BEGAIN: variants seen among roughly 807,000 people sequenced by gnomAD.
The protein encoded by BEGAIN is brain-enriched guanylate kinase-associated protein.
In BEGAIN, 19 loss-of-function variants were observed where a neutral mutation model predicts 35.8. The observed-to-expected ratio is 0.53, with a 90% CI of 0.37 to 0.78. BEGAIN has a LOEUF of 0.78. BEGAIN is among the 30% of genes least tolerant of loss of function. BEGAIN has a pLI of 0.00. For synonymous variants in BEGAIN, 462 were observed against 388.6 expected, an observed-to-expected ratio of 1.19 and a Z score of -2.22; for missense variants, 795 against 853.6, an observed-to-expected ratio of 0.93 and a Z score of 0.85.
intron 1 of BEGAIN, among the ~76,000 whole-genome samples, chr14:100,574,848 G>A (rs2035168955): frequency 1.3e-5 from 2 of 152,188 alleles, no homozygotes; most frequent in South Asian, 4.1e-4. Flanking sequence ...TTGGGGACTT[G>A]CATTGGGGGT....
chr14:100,575,334 C>CA (rs1337332355), intron 1 of BEGAIN, among the ~76,000 whole-genome samples: 2 of 152,206 alleles, frequency 1.3e-5, no homozygotes, highest in African/African-American at 4.8e-5. Flanking sequence ...AGACAAGCCC[C>CA]TGTGAAGGGC....
Position 100,538,222 on chromosome 14 carries a change from A to G in BEGAIN, c.1586T>C (p.Leu529Pro), listed in dbSNP as rs1165786015. Residue 529 changes from leucine (L) to proline (P), a missense_variant, in exon 7 of 7, where the codon CTG becomes CCG. Around this residue, in one of 3 missense-constraint regions of BEGAIN, gnomAD observed 664 missense variants for 647.7 expected, o/e 1.03. Coordinates refer to ENST00000554140, the MANE Select transcript of BEGAIN (RefSeq NM_001385089.1). ...CCCCTCGCTGGGTGCATAGCCGGGC[A>G]GTGGGTCAGCCGAGCGGCCGGGACT... The part of the protein sequence containing the change: ...SLSPGRSADP[L>P]PGYAPSEGGD... 27 of 1,567,648 alleles carry G rather than the reference A, an allele frequency of 1.7e-5. No individual in the cohort carries two copies. Among genetic ancestry groups the G allele is most frequent in the Non-Finnish European group, 2.3e-5 (27 of 1,163,130 alleles).
rs1030774992 is a variant in BEGAIN, at chr14:100,538,035, A to C, written c.1773T>G (p.Gly591=). Residue 591 remains glycine, a synonymous_variant, in exon 7 of 7, where the codon GGT becomes GGG. Transcript: ENST00000554140. ...TGTCCTTGCGGCTCAGCCCCGAGCCACCAGTCCGCGGAAAGGCCTGCTGGG... is the reference window on the plus strand; with the variant it reads ...TGTCCTTGCGGCTCAGCCCCGAGCCCCCAGTCCGCGGAAAGGCCTGCTGGG... The part of the protein sequence containing the change: ...LSPQQAFPRT[G]GSGLSRKDSL... 1.2e-6 allele frequency: 2 copies of C among 1,608,378 alleles called. No homozygotes were observed. Among genetic ancestry groups the C allele is most frequent in the Non-Finnish European group, 1.7e-6 (2 of 1,178,412 alleles).
In BEGAIN at chr14:100,546,674, T is replaced by A. The variant is rs564340080; in HGVS notation, c.72-12A>T. 1 of 1,530,196 alleles carries A rather than the reference T, an allele frequency of 6.5e-7. No individual in the cohort carries two copies. Among genetic ancestry groups the A allele is most frequent in the Admixed American group, 1.9e-5 (1 of 52,248 alleles). The allele number at this position is 1,530,196 out of a possible 1,614,324, so 94.8% of individuals were successfully genotyped here. A position where few individuals can be genotyped will look rare whatever the true frequency, so the allele number is the denominator to read the frequency against. On this transcript the variant is annotated splice_polypyrimidine_tract_variant and intron_variant, in intron 2 of 6. Coordinates refer to ENST00000554140, the MANE Select transcript of BEGAIN (RefSeq NM_001385089.1). The stretch of plus-strand genomic sequence containing the variant: ...GCTCCTGCAGCGCGCTGCAACGACA[T>A]GGCGGCGGCGGGCCGGGCCGCGGCG...
At chr14:100,542,649 C>A (rs1042471635) in intron 5 of BEGAIN, among the ~76,000 whole-genome samples, 1 of 152,250 alleles carries the variant, frequency 6.6e-6, no homozygotes, top group African/African-American at 2.4e-5. Context: ...TTCTAACAAC[C>A]CACATCCTAA....
chr14:100,555,397 C>T (rs1302874374), intron 2 of BEGAIN, among the ~76,000 whole-genome samples: 4 of 152,268 alleles, frequency 2.6e-5, no homozygotes, highest in Admixed American at 6.5e-5. Context: ...TCCCCTCCAA[C>T]TTGCTCCTGC....
At chr14:100,555,676 A>G (rs2139593659) in intron 2 of BEGAIN, among the ~76,000 whole-genome samples, 1 of 152,312 alleles carries the variant, frequency 6.6e-6, no homozygotes, top group Non-Finnish European at 1.5e-5. Context: ...TTTAATGTAA[A>G]TAGTAGCGCT....
intron 1 of BEGAIN, among the ~76,000 whole-genome samples, chr14:100,575,756 G>C (rs989845123): frequency 6.6e-6 from 1 of 152,172 alleles, no homozygotes; most frequent in African/African-American, 2.4e-5. Context: ...AAGGAGTCAA[G>C]CTGGGTTCCC....
At position 100,568,581 on chromosome 14, in the gene BEGAIN, G is replaced by A. The variant is rs2034921528; in HGVS notation, c.43-642C>T. The stretch of plus-strand genomic sequence containing the variant: ...CCCGTGAGCGCCCGGCTCGCCGGCG[G>A]GGCTCCCTGCCTTGCTTGCGCAGAC... On this transcript the variant is annotated intron_variant, in intron 1 of 6. Transcript: ENST00000554140. The surrounding 1 kb of genome is among the most constrained non-coding windows in gnomAD (Gnocchi z 7.5). The A allele has an allele frequency of 8.2e-7, 1 of 1,215,538 alleles. No homozygotes were observed. Among genetic ancestry groups the A allele is most frequent in the African/African-American group, 1.6e-5 (1 of 63,746 alleles). 75.3% of individuals were successfully genotyped at this position (1,215,538 alleles called of 1,614,324 possible).
intron 1 of BEGAIN, among the ~76,000 whole-genome samples, chr14:100,572,602 C>T (rs994030510): frequency 6.6e-6 from 1 of 152,176 alleles, no homozygotes; most frequent in African/African-American, 2.4e-5. Flanking sequence ...AGGAAATGAG[C>T]CTAACATGTG....
At position 100,585,455 on chromosome 14, in the gene BEGAIN, TC is replaced by T. The variant is rs1267914102; in HGVS notation, c.42+1793del. Among the ~76,000 whole-genome samples, 5 of 140,050 alleles carry T rather than the reference TC, an allele frequency of 3.6e-5. No homozygotes were observed. The East Asian group carries it at 1.1e-3, about 31-fold the overall frequency. 91.9% of individuals were successfully genotyped at this position (140,050 alleles called of 152,430 possible). On this transcript the variant is annotated intron_variant, in intron 1 of 6. Transcript: ENST00000554140. ...ATCCATCCATCCATCCATCCATCCATCCATTCATCCATCCATCCACTCTTCA... is the reference window on the plus strand; with the variant it reads ...ATCCATCCATCCATCCATCCATCCATCATTCATCCATCCATCCACTCTTCA...
rs537510305 is a variant in BEGAIN, at chr14:100,569,720, C to T, written c.43-1781G>A. On this transcript the variant is annotated intron_variant, in intron 1 of 6. Coordinates refer to ENST00000554140, the MANE Select transcript of BEGAIN (RefSeq NM_001385089.1). ...AAACCCAAGAAATCCAAGTGTTCCT[C>T]CATCCACGGACACCCACTCGTTCAC... The T allele has an allele frequency of 1.4e-4, 21 of 154,764 alleles. No homozygotes were observed. The South Asian group carries it at 3.0e-3, about 22-fold the overall frequency. The allele number at this position is 154,764 out of a possible 1,614,324, so 9.6% of individuals were successfully genotyped here. A position where few individuals can be genotyped will look rare whatever the true frequency, so the allele number is the denominator to read the frequency against.
rs1033860869 is a variant in BEGAIN at position 100,586,658 on chromosome 14, A to C, written c.42+591T>G. 6.6e-6 allele frequency among the ~76,000 whole-genome samples: 1 copy of C among 152,254 alleles called. No individual in the cohort carries two copies. The highest frequency in any genetic ancestry group is 6.5e-5 in the Admixed American group (1 of 15,310). Reference sequence around the variant, plus strand: ...CGAGGCCCTGGCCTCCCTGAGCCTCAGTTTCCTCGCCTGTAAAGGGGCAGG... The same window carrying C: ...CGAGGCCCTGGCCTCCCTGAGCCTCCGTTTCCTCGCCTGTAAAGGGGCAGG... On this transcript the variant is annotated intron_variant, in intron 1 of 6. Coordinates refer to ENST00000554140, the MANE Select transcript of BEGAIN (RefSeq NM_001385089.1). The surrounding 1 kb of genome is among the most constrained non-coding windows in gnomAD (Gnocchi z 4.9).
At position 100,538,408 on chromosome 14, in the gene BEGAIN, TAGCGTTCAGAGA is replaced by T. The variant is rs1238693247; in HGVS notation, c.1388_1399del (p.Phe463_Arg466del). 2 of 1,571,742 alleles carry T rather than the reference TAGCGTTCAGAGA, an allele frequency of 1.3e-6. No individual in the cohort carries two copies. Among genetic ancestry groups the T allele is most frequent in the Non-Finnish European group, 1.7e-6 (2 of 1,163,108 alleles). On this transcript the variant is annotated inframe_deletion, in exon 7 of 7. Coordinates refer to ENST00000554140, the MANE Select transcript of BEGAIN (RefSeq NM_001385089.1). ...CGGGCTGCCCCCGGCCCCGCCGTAG[TAGCGTTCAGAGA>T]AGCTGCAGGGTGAGGCGCGGCCGGC...
At position 100,568,957 on chromosome 14, in the gene BEGAIN, C is replaced by T; in HGVS notation, c.43-1018G>A. 4.1e-6 allele frequency: 4 copies of T among 983,366 alleles called. No homozygotes were observed. Among genetic ancestry groups the T allele is most frequent in the Non-Finnish European group, 4.8e-6 (4 of 829,268 alleles). 60.9% of individuals were successfully genotyped at this position (983,366 alleles called of 1,614,324 possible). A position where few individuals can be genotyped will look rare whatever the true frequency, so the allele number is the denominator to read the frequency against. On this transcript the variant is annotated intron_variant, in intron 1 of 6. Coordinates refer to ENST00000554140, the MANE Select transcript of BEGAIN (RefSeq NM_001385089.1). This position sits in a 1 kb window ranked among gnomAD's most constrained non-coding sequence, Gnocchi z 7.5. Reference sequence around the variant, plus strand: ...TCGCGCCGGGCGCCGCCGCCGCGTCCGCCGGGAGCGCGCTCCGCTCGGGTC... The same window carrying T: ...TCGCGCCGGGCGCCGCCGCCGCGTCTGCCGGGAGCGCGCTCCGCTCGGGTC...
Position 100,586,918 on chromosome 14 carries a change from C to T in BEGAIN, c.42+331G>A, listed in dbSNP as rs1383782072. On this transcript the variant is annotated intron_variant, in intron 1 of 6. Coordinates refer to ENST00000554140, the MANE Select transcript of BEGAIN (RefSeq NM_001385089.1). This position sits in a 1 kb window ranked among gnomAD's most constrained non-coding sequence, Gnocchi z 4.9. The stretch of plus-strand genomic sequence containing the variant: ...AGCGGCGGGTCCCCAGTCCTCCGGC[C>T]GCGCCCTTGGTCACCCGTCCCTCCT... Among the ~76,000 whole-genome samples, 1 of 152,082 alleles carries T rather than the reference C, an allele frequency of 6.6e-6. No homozygotes were observed. The highest frequency in any genetic ancestry group is 2.4e-5 in the African/African-American group (1 of 41,450).
chr14:100,551,271 G>A (rs1317018980), intron 2 of BEGAIN, among the ~76,000 whole-genome samples: 3 of 152,168 alleles, frequency 2.0e-5, no homozygotes, highest in Non-Finnish European at 2.9e-5. Context: ...AGGACACAGC[G>A]CCCAGACGAG....
chr14:100,578,929 T>C lies in BEGAIN; in HGVS notation c.42+8320A>G, dbSNP rs2035260743. On this transcript the variant is annotated intron_variant, in intron 1 of 6. Transcript: ENST00000554140. ...CAGGCTGGATTACAATGGCATGATC[T>C]CGGCTCACTGCAACTTCCGCTCCCA... Among the ~76,000 whole-genome samples, 3 of 150,746 alleles carry C rather than the reference T, an allele frequency of 2.0e-5. No individual in the cohort carries two copies. The South Asian group carries it at 6.3e-4, about 32-fold the overall frequency.
At chr14:100,577,877 G>A in intron 1 of BEGAIN, 1 of 399,274 alleles carries the variant, frequency 2.5e-6, no homozygotes, top group Admixed American at 4.4e-5. Context: ...CCGGGCTCCA[G>A]GAGGGAGCTG....
Sources: allele counts gnomAD v4.1 joint callset (sites outside exome capture counted in the v4.1 genomes callset), GRCh38; gene constraint gnomAD v4.1.1; regional missense constraint gnomAD v4.1.1; non-coding constraint Gnocchi (gnomAD v3.1); transcripts MANE v1.5; gene names NCBI Gene and HGNC (gene_info 2026-07-23, HGNC 2026-07-21).